Variants in KASH5 observed in about 807,000 individuals in gnomAD.
KASH5 encodes KASH domain containing 5, also known as protein KASH5.
In KASH5, 72 loss-of-function variants were observed where a neutral mutation model predicts 84.2. The observed-to-expected ratio is 0.85, with a 90% confidence interval of 0.71 to 1.04. The LOEUF (loss-of-function observed/expected upper bound fraction) is 1.04, where lower values mean the gene tolerates loss of function less well. KASH5 is among the 50% of genes least tolerant of loss of function. The pLI is 0.00. For missense variants in KASH5, 650 were observed against 701.0 expected (o/e 0.93, Z 0.82); for synonymous variants, 260 against 279.1 (o/e 0.93, Z 0.68).
chr19:49,395,426 A>G lies in KASH5; in HGVS notation c.335+134A>G. 1 of 964,812 alleles carries G rather than the reference A, an allele frequency of 1.0e-6. No individual in the cohort carries two copies. The highest frequency in any genetic ancestry group is 2.6e-5 in the Admixed American group (1 of 39,012). 59.8% of individuals were successfully genotyped at this position (964,812 alleles called of 1,614,324 possible). ...GAATGAGGCTGTGGAGAGAAAAATG[A>G]AGAGACGGGATTCAGAGGGGGTAGA... On this transcript the variant is annotated intron_variant, in intron 4 of 19. Transcript: ENST00000447857. The surrounding 1 kb of genome is among the most constrained non-coding windows in gnomAD (Gnocchi z 4.4).
intron 2 of KASH5, 125 bp downstream of exon 2, chr19:49,391,051 G>A: frequency 9.4e-7 from 1 of 1,068,438 alleles, no homozygotes; most frequent in Non-Finnish European, 1.4e-6. Flanking sequence ...TTGCATGGGT[G>A]CAGAGTGGAA....
At chr19:49,397,799 G>T in intron 6 of KASH5, 82 bp downstream of exon 6, 1 of 1,526,636 alleles carries the variant, frequency 6.6e-7, no homozygotes, top group Non-Finnish European at 9.0e-7. Flanking sequence ...TAGGGCTTGG[G>T]ATCCTTCAGG....
rs1974299457 is a variant in KASH5, at chr19:49,399,645, G to T, written c.798+138G>T. On this transcript the variant is annotated intron_variant, in intron 9 of 19. Transcript: ENST00000447857. The surrounding 1 kb of genome is among the most constrained non-coding windows in gnomAD (Gnocchi z 4.4). ...ATGTCAGTAGTGTGGGAATGTCCCTGAGGTTATATCACACTGTGAGAACAG... is the reference window on the plus strand; with the variant it reads ...ATGTCAGTAGTGTGGGAATGTCCCTTAGGTTATATCACACTGTGAGAACAG... 2 of 1,522,674 alleles carry T rather than the reference G, an allele frequency of 1.3e-6. No individual in the cohort carries two copies. The highest frequency in any genetic ancestry group is 2.5e-5 in the South Asian group (2 of 80,718). The allele number at this position is 1,522,674 out of a possible 1,614,324, so 94.3% of individuals were successfully genotyped here. A position where few individuals can be genotyped will look rare whatever the true frequency, so the allele number is the denominator to read the frequency against.
intron 7 of KASH5, 65 bp downstream of exon 7, chr19:49,398,208 C>T (rs1213674595): frequency 2.9e-6 from 4 of 1,402,088 alleles, no homozygotes; most frequent in East Asian, 2.5e-5. Context: ...CAGCAGCCGG[C>T]CTCTATCTCC....
In KASH5 at chr19:49,417,145, C is replaced by T; in HGVS notation, c.1440-14C>T. The T allele has an allele frequency of 1.2e-6, 2 of 1,612,816 alleles. No homozygotes were observed. Among genetic ancestry groups the T allele is most frequent in the Non-Finnish European group, 1.7e-6 (2 of 1,179,456 alleles). ...GGAAAAACCCAGTGGTGATTCCCTC[C>T]TTCACCCCAGCAGACCTGCGCGGCG... On this transcript the variant is annotated splice_polypyrimidine_tract_variant and intron_variant, in intron 18 of 19. Coordinates refer to ENST00000447857, the MANE Select transcript of KASH5 (RefSeq NM_144688.5). The surrounding 1 kb of genome is among the most constrained non-coding windows in gnomAD (Gnocchi z 5.2).
chr19:49,405,671 G>A (rs573136081), intron 9 of KASH5, among the ~76,000 whole-genome samples: 1 of 151,978 alleles, frequency 6.6e-6, no homozygotes, highest in East Asian at 1.9e-4. Context: ...AACATCTGGA[G>A]GAGAGCCGGG....
At position 49,395,878 on chromosome 19, in the gene KASH5, G is replaced by T; in HGVS notation, c.400+45G>T. 6.7e-7 allele frequency: 1 copy of T among 1,502,516 alleles called. No individual in the cohort carries two copies. Among genetic ancestry groups the T allele is most frequent in the South Asian group, 1.2e-5 (1 of 82,956 alleles). The allele number at this position is 1,502,516 out of a possible 1,614,324, so 93.1% of individuals were successfully genotyped here. On this transcript the variant is annotated intron_variant, in intron 5 of 19. Coordinates refer to ENST00000447857, the MANE Select transcript of KASH5 (RefSeq NM_144688.5). This position sits in a 1 kb window ranked among gnomAD's most constrained non-coding sequence, Gnocchi z 4.4. ...AATGAAGCAGGCAGGCCCTGGGTCAGACAGTGTGGGGACTTACCACCCAGG... is the reference window on the plus strand; with the variant it reads ...AATGAAGCAGGCAGGCCCTGGGTCATACAGTGTGGGGACTTACCACCCAGG...
rs577431297 is a variant in KASH5, at chr19:49,416,312, C to A, written c.1375-703C>A. ...GGTTCACACCATTCTCCTGCCTCAG[C>A]CTCCCAAGTAGCTGGGATTACAGGC... On this transcript the variant is annotated intron_variant, in intron 17 of 19. Transcript: ENST00000447857. The surrounding 1 kb of genome is among the most constrained non-coding windows in gnomAD (Gnocchi z 5.4). Among the ~76,000 whole-genome samples the A allele has an allele frequency of 1.3e-5, 2 of 152,178 alleles. No homozygotes were observed. The highest frequency in any genetic ancestry group is 4.8e-5 in the African/African-American group (2 of 41,440).
intron 5 of KASH5, among the ~76,000 whole-genome samples, chr19:49,396,350 G>A (rs1423955603): frequency 6.6e-6 from 1 of 151,252 alleles, no homozygotes; most frequent in African/African-American, 2.4e-5. Context: ...CGCCTCCTGG[G>A]TTCAAGCAGT....
chr19:49,407,642 AC>A lies in KASH5; in HGVS notation c.967del (p.Leu323TrpfsTer6). ...TCGCGATGTGGAGAGCCTGGCCCAG[AC>A]CCTGGAAGAATACAGAGTGACGACG... Reference protein sequence around the residue: ...RTRDVESLAQTLEEYRVTTQE... With the variant: ...RTRDVESLAQXLEEYRVTTQE... On this transcript the variant is annotated frameshift_variant, in exon 12 of 20. Coordinates refer to ENST00000447857, the MANE Select transcript of KASH5 (RefSeq NM_144688.5). LOFTEE classifies it high-confidence loss of function. The A allele has an allele frequency of 6.2e-7, 1 of 1,604,484 alleles. No individual in the cohort carries two copies. Among genetic ancestry groups the A allele is most frequent in the Non-Finnish European group, 8.5e-7 (1 of 1,175,628 alleles).
chr19:49,394,593 T>C lies in KASH5; in HGVS notation c.148+13T>C, dbSNP rs751390576. The C allele has an allele frequency of 1.9e-6, 3 of 1,602,526 alleles. No homozygotes were observed. The Admixed American group carries it at 5.0e-5, about 27-fold the overall frequency. On this transcript the variant is annotated intron_variant, in intron 3 of 19. Coordinates refer to ENST00000447857, the MANE Select transcript of KASH5 (RefSeq NM_144688.5). ...CCTCAGAGGACAGGTGGTGGGGGCA[T>C]GAGGGGTGCTGGGGACCAGTGCGGG...
In KASH5 at chr19:49,417,170, G is replaced by T; in HGVS notation, c.1451G>T (p.Arg484Leu). 1 of 1,613,702 alleles carries T rather than the reference G, an allele frequency of 6.2e-7. No individual in the cohort carries two copies. The highest frequency in any genetic ancestry group is 1.7e-4 in the Middle Eastern group (1 of 6,042). ...PENPPERPAR[R>L]ELQQALVPVM... ...CTTCACCCCAGCAGACCTGCGCGGCGGGAACTCCAGCAAGCCCTGGTGCCT... is the reference window on the plus strand; with the variant it reads ...CTTCACCCCAGCAGACCTGCGCGGCTGGAACTCCAGCAAGCCCTGGTGCCT... Residue 484 changes from arginine to leucine, a missense_variant, in exon 19 of 20, where the codon CGG becomes CTG. Physicochemically the swap from Arg to Leu is moderately radical, Grantham distance 102. Coordinates refer to ENST00000447857, the MANE Select transcript of KASH5 (RefSeq NM_144688.5). The surrounding 1 kb of genome is among the most constrained non-coding windows in gnomAD (Gnocchi z 5.2).
chr19:49,417,151 C>A lies in KASH5; in HGVS notation c.1440-8C>A. 1 of 1,613,180 alleles carries A rather than the reference C, an allele frequency of 6.2e-7. No individual in the cohort carries two copies. The highest frequency in any genetic ancestry group is 8.5e-7 in the Non-Finnish European group (1 of 1,179,586). On this transcript the variant is annotated splice_region_variant and splice_polypyrimidine_tract_variant and intron_variant, in intron 18 of 19. Coordinates refer to ENST00000447857, the MANE Select transcript of KASH5 (RefSeq NM_144688.5). This position sits in a 1 kb window ranked among gnomAD's most constrained non-coding sequence, Gnocchi z 5.2. ...ACCCAGTGGTGATTCCCTCCTTCACCCCAGCAGACCTGCGCGGCGGGAACT... is the reference window on the plus strand; with the variant it reads ...ACCCAGTGGTGATTCCCTCCTTCACACCAGCAGACCTGCGCGGCGGGAACT...
Position 49,412,946 on chromosome 19 carries a change from A to T in KASH5, c.1270-22A>T. The T allele has an allele frequency of 6.2e-7, 1 of 1,613,342 alleles. No individual in the cohort carries two copies. The highest frequency in any genetic ancestry group is 8.5e-7 in the Non-Finnish European group (1 of 1,179,496). ...TTTGAGTGAGAAGAATCAGAGAAGAACTAACCTTTTTGTTTCCACAGAGAA... is the reference window on the plus strand; with the variant it reads ...TTTGAGTGAGAAGAATCAGAGAAGATCTAACCTTTTTGTTTCCACAGAGAA... On this transcript the variant is annotated intron_variant, in intron 15 of 19. Coordinates refer to ENST00000447857, the MANE Select transcript of KASH5 (RefSeq NM_144688.5). This position sits in a 1 kb window ranked among gnomAD's most constrained non-coding sequence, Gnocchi z 4.6.
chr19:49,397,231 A>G (rs894591991), intron 5 of KASH5, among the ~76,000 whole-genome samples: 24 of 152,054 alleles, frequency 1.6e-4, no homozygotes, highest in African/African-American at 4.6e-4. Context: ...TGAGGATCCA[A>G]GAGGAGAAAG....
At chr19:49,409,132 A>T in intron 13 of KASH5, 64 bp from the exon 14 acceptor site, 2 of 1,595,708 alleles carry the variant, frequency 1.3e-6, no homozygotes, top group Non-Finnish European at 1.7e-6. Context: ...GGAGGCCAGC[A>T]TGAGCTGACT....
intron 15 of KASH5, 35 bp downstream of exon 15, chr19:49,409,910 G>A (rs1200574339): frequency 2.5e-6 from 4 of 1,608,364 alleles, no homozygotes; most frequent in South Asian, 1.1e-5. Flanking sequence ...TCCAGGAGCT[G>A]GAAAGGGGCC....
intron 2 of KASH5, among the ~76,000 whole-genome samples, chr19:49,391,324 G>C (rs990699501): frequency 2.0e-5 from 3 of 152,152 alleles, no homozygotes; most frequent in Admixed American, 1.3e-4. Flanking sequence ...CCCTGCTAGA[G>C]CATGAGCTCC....
chr19:49,399,555 G>T lies in KASH5; in HGVS notation c.798+48G>T, dbSNP rs376208371. The stretch of plus-strand genomic sequence containing the variant: ...CCCCACCCCTTCCCCAGTCCTTAAG[G>T]TCTTCTTGACACCACTCCCTTCTGC... On this transcript the variant is annotated intron_variant, in intron 9 of 19. Coordinates refer to ENST00000447857, the MANE Select transcript of KASH5 (RefSeq NM_144688.5). This position sits in a 1 kb window ranked among gnomAD's most constrained non-coding sequence, Gnocchi z 4.4. 5.1e-6 allele frequency: 8 copies of T among 1,572,142 alleles called. No individual in the cohort carries two copies. The East Asian group carries it at 7.0e-5, about 14-fold the overall frequency.
Sources: allele counts gnomAD v4.1 joint callset (sites outside exome capture counted in the v4.1 genomes callset), GRCh38; gene constraint gnomAD v4.1.1; non-coding constraint Gnocchi (gnomAD v3.1); transcripts MANE v1.5; gene names NCBI Gene and HGNC (gene_info 2026-07-23, HGNC 2026-07-21).